RBMS3: variants seen among roughly 807,000 people sequenced by gnomAD.
The protein encoded by RBMS3 is RNA binding motif single stranded interacting protein 3.
RBMS3 carries 27 observed loss-of-function variants against 66.8 expected under a neutral mutation model. The ratio of observed to expected loss-of-function variants is 0.40; its 90% CI spans 0.30 to 0.56. The LOEUF (loss-of-function observed/expected upper bound fraction) is 0.56. Ranked by LOEUF, RBMS3 falls within the 20% of genes least tolerant of loss-of-function variation. The probability of loss-of-function intolerance (pLI) is 0.40; values close to 1 mark genes in which losing one functional copy is unlikely to be tolerated. For synonymous variants in RBMS3, 188 were observed against 183.0 expected (o/e 1.03, Z -0.22); for missense variants, 513 against 549.5 (o/e 0.93, Z 0.66).
intron 3 of RBMS3, among the ~76,000 whole-genome samples, chr3:29,527,598 T>A (rs1427415211): frequency 6.6e-6 from 1 of 152,208 alleles, no homozygotes; most frequent in East Asian, 1.9e-4. Flanking sequence ...ATATCACTTT[T>A]CTTAACTGTT....
At chr3:29,311,121 C>G (rs1050084949) in intron 1 of RBMS3, among the ~76,000 whole-genome samples, 1 of 151,694 alleles carries the variant, frequency 6.6e-6, no homozygotes, top group African/African-American at 2.4e-5. Context: ...TTAATGGGGC[C>G]AGTGAGCATG....
intron 1 of RBMS3, among the ~76,000 whole-genome samples, chr3:29,369,135 G>C (rs1227788208): frequency 6.6e-6 from 1 of 151,946 alleles, no homozygotes; most frequent in Non-Finnish European, 1.5e-5. Context: ...CACATAGAGG[G>C]GAACAGCCGG....
chr3:29,943,740 C>A (rs1426447007), intron 11 of RBMS3, among the ~76,000 whole-genome samples: 1 of 151,770 alleles, frequency 6.6e-6, no homozygotes, highest in African/African-American at 2.4e-5. Context: ...ATTTTGCCTT[C>A]AAAATGTGTT....
intron 4 of RBMS3, among the ~76,000 whole-genome samples, chr3:29,663,792 TG>T (rs1205000548): frequency 6.6e-6 from 1 of 152,200 alleles, no homozygotes; most frequent in Non-Finnish European, 1.5e-5. Context: ...GAGAATATCA[TG>T]GTTTTGGCTA....
At chr3:29,798,160 T>A (rs1291984343) in intron 6 of RBMS3, among the ~76,000 whole-genome samples, 2 of 148,996 alleles carry the variant, frequency 1.3e-5, no homozygotes, top group African/African-American at 5.0e-5. Flanking sequence ...AGAATATAGA[T>A]CATAGATTAC....
chr3:29,723,478 CAT>C (rs2053730757), intron 4 of RBMS3, among the ~76,000 whole-genome samples: 1 of 152,118 alleles, frequency 6.6e-6, no homozygotes, highest in African/African-American at 2.4e-5. Context: ...GTAACTTTAT[CAT>C]ATGTGTTAAA....
intron 6 of RBMS3, among the ~76,000 whole-genome samples, chr3:29,800,164 T>C (rs1454872808): frequency 1.3e-5 from 2 of 152,156 alleles, no homozygotes; most frequent in Non-Finnish European, 2.9e-5. Context: ...TTTTATTCAC[T>C]CCCTGCCCTT....
At position 29,436,444 on chromosome 3, in the gene RBMS3, A is replaced by G. The variant is rs566390611; in HGVS notation, c.248+1529A>G. Among the ~76,000 whole-genome samples, 127 of 152,328 alleles carry G rather than the reference A, an allele frequency of 8.3e-4. 1 individual carries two copies. The highest frequency in any genetic ancestry group is 1.7e-3 in the South Asian group (8 of 4,826). On this transcript the variant is annotated intron_variant, in intron 2 of 14. Coordinates refer to ENST00000383767, the MANE Select transcript of RBMS3 (RefSeq NM_001003793.3). Reference sequence around the variant, plus strand: ...TATATATTTTTAAATTTGTTCAAAAAATGTTAAATGTGCCAAAGCTCAGAC... The same window carrying G: ...TATATATTTTTAAATTTGTTCAAAAGATGTTAAATGTGCCAAAGCTCAGAC...
At chr3:29,422,718 A>G (rs557163234) in intron 1 of RBMS3, among the ~76,000 whole-genome samples, 1 of 152,306 alleles carries the variant, frequency 6.6e-6, no homozygotes, top group East Asian at 1.9e-4. Context: ...AGCCCCAAAC[A>G]TAATAAATTT....
intron 4 of RBMS3, among the ~76,000 whole-genome samples, chr3:29,707,337 T>C (rs1382621400): frequency 6.6e-6 from 1 of 152,224 alleles, no homozygotes; most frequent in Non-Finnish European, 1.5e-5. Flanking sequence ...ATTTTACTCA[T>C]TGGGTTAATA....
intron 4 of RBMS3, among the ~76,000 whole-genome samples, chr3:29,659,328 T>C (rs2050444832): frequency 6.6e-6 from 1 of 152,200 alleles, no homozygotes; most frequent in Non-Finnish European, 1.5e-5. Context: ...TATTTATATC[T>C]AGAGCCCTTT....
At chr3:29,331,636 C>T (rs1380778155) in intron 1 of RBMS3, among the ~76,000 whole-genome samples, 1 of 151,992 alleles carries the variant, frequency 6.6e-6, no homozygotes, top group Non-Finnish European at 1.5e-5. Flanking sequence ...ATGTTATAGT[C>T]AGACTTCTCA....
chr3:29,958,853 T>C (rs1696216399), intron 12 of RBMS3, among the ~76,000 whole-genome samples: 1 of 152,184 alleles, frequency 6.6e-6, no homozygotes, highest in Non-Finnish European at 1.5e-5. Flanking sequence ...CAGTAATTTG[T>C]GTGTTAAAAA....
At chr3:29,353,173 T>C (rs911084345) in intron 1 of RBMS3, among the ~76,000 whole-genome samples, 1 of 151,942 alleles carries the variant, frequency 6.6e-6, no homozygotes, top group South Asian at 2.1e-4. Flanking sequence ...GGCTTCCCAT[T>C]TCTGCAACTC....
At chr3:29,871,373 G>A (rs2059487617) in intron 7 of RBMS3, among the ~76,000 whole-genome samples, 2 of 151,884 alleles carry the variant, frequency 1.3e-5, no homozygotes, top group East Asian at 3.9e-4. Flanking sequence ...AGATTCTTAA[G>A]GGAGGGTTTT....
intron 2 of RBMS3, among the ~76,000 whole-genome samples, chr3:29,476,307 C>G (rs1271461022): frequency 1.3e-5 from 2 of 152,200 alleles, no homozygotes; most frequent in Admixed American, 1.3e-4. Context: ...TACTATAAGC[C>G]TATTATTGAG....
intron 6 of RBMS3, among the ~76,000 whole-genome samples, chr3:29,848,486 G>A (rs1367551706): frequency 6.6e-6 from 1 of 152,044 alleles, no homozygotes; most frequent in Non-Finnish European, 1.5e-5. Flanking sequence ...ATAAAACTTG[G>A]GGAATCCAAC....
rs1185861167 is a variant in RBMS3, at chr3:29,578,790, C to CTTTTTTTTTTT, written c.308-8312_308-8302dup. Among the ~76,000 whole-genome samples the CTTTTTTTTTTT allele has an allele frequency of 9.9e-5, 10 of 101,062 alleles. 1 individual carries two copies. The highest frequency in any genetic ancestry group is 4.1e-4 in the African/African-American group (9 of 22,048). The allele number at this position is 101,062 out of a possible 152,430, so 66.3% of individuals were successfully genotyped here. Reference sequence around the variant, plus strand: ...AAAGAATCACAGGTAATACATGCTTCTTTTTTTTTTTTTTTTTTTTTTGAG... The same window carrying CTTTTTTTTTTT: ...AAAGAATCACAGGTAATACATGCTTCTTTTTTTTTTTTTTTTTTTTTTTTTTTTTTTTTGAG... On this transcript the variant is annotated intron_variant, in intron 3 of 14. Transcript: ENST00000383767.
intron 6 of RBMS3, among the ~76,000 whole-genome samples, chr3:29,790,810 G>A (rs541629398): frequency 6.6e-6 from 1 of 152,290 alleles, no homozygotes; most frequent in South Asian, 2.1e-4. Flanking sequence ...CAATCGAAAA[G>A]TATTCATACT....
Sources: gnomAD v4.1 joint callset for allele counts (sites outside exome capture counted in the v4.1 genomes callset) on GRCh38, gnomAD v4.1.1 for gene constraint, MANE v1.5 for transcripts, NCBI Gene and HGNC (gene_info 2026-07-23, HGNC 2026-07-21) for gene names.